The following MYL12B variants were observed in gnomAD, a reference collection of about 807,000 sequenced individuals.
MYL12B encodes myosin regulatory light chain 12B.
Under a neutral mutation model 12.9 loss-of-function variants are expected in MYL12B, and 3 were observed. That is an observed-to-expected ratio of 0.23 (90% CI 0.11 to 0.60). MYL12B has a LOEUF of 0.60. Ranked by LOEUF, MYL12B falls within the 20% of genes least tolerant of loss-of-function variation. The pLI is 0.89. For synonymous variants in MYL12B, 57 were observed against 71.9 expected (o/e 0.79, Z 1.05); for missense variants, 120 against 215.4 (o/e 0.56, Z 2.77).
chr18:3,264,772 C>A (rs1361576412), intron 1 of MYL12B, among the ~76,000 whole-genome samples: 1 of 152,062 alleles, frequency 6.6e-6, no homozygotes, highest in Non-Finnish European at 1.5e-5. Flanking sequence ...ATAAGAAGTT[C>A]AAAAACAAAA....
intron 2 of MYL12B, among the ~76,000 whole-genome samples, chr18:3,274,863 G>T (rs929850241): frequency 5.3e-5 from 8 of 152,170 alleles, no homozygotes; most frequent in Admixed American, 3.9e-4. Flanking sequence ...TTATTGGTAG[G>T]AATGTAAATA....
chr18:3,271,188 C>T (rs965936049), intron 1 of MYL12B, among the ~76,000 whole-genome samples: 3 of 152,144 alleles, frequency 2.0e-5, no homozygotes, highest in African/African-American at 7.2e-5. Flanking sequence ...TAATCAAATG[C>T]CTTGTTAGTA....
chr18:3,263,282 TTAAGG>T (rs1160852597), intron 1 of MYL12B: 2 of 152,184 alleles, frequency 1.3e-5, no homozygotes, highest in African/African-American at 4.8e-5. Flanking sequence ...CCGCTTTAGT[TTAAGG>T]TAGATTTGGA....
chr18:3,270,045 G>A (rs1188493425), intron 1 of MYL12B, among the ~76,000 whole-genome samples: 1 of 152,168 alleles, frequency 6.6e-6, no homozygotes, highest in Non-Finnish European at 1.5e-5. Context: ...GATCCAAGAA[G>A]ATTTAGACCA....
At chr18:3,264,425 C>T (rs990751899) in intron 1 of MYL12B, among the ~76,000 whole-genome samples, 3 of 152,100 alleles carry the variant, frequency 2.0e-5, no homozygotes, top group African/African-American at 7.2e-5. Flanking sequence ...TGAATATGGC[C>T]AGGCATGGTG....
At chr18:3,273,335 A>G (rs1021232795) in intron 2 of MYL12B, among the ~76,000 whole-genome samples, 23 of 152,086 alleles carry the variant, frequency 1.5e-4, no homozygotes, top group Admixed American at 9.8e-4. Context: ...AGGTCTCTAG[A>G]TGGAAAGCCA....
chr18:3,272,887 TAAAC>T lies in MYL12B; in HGVS notation c.-9_-6del, dbSNP rs750060012. 5.1e-5 allele frequency: 80 copies of T among 1,570,608 alleles called. No individual in the cohort carries two copies. Among genetic ancestry groups the T allele is most frequent in the African/African-American group, 6.9e-5 (5 of 72,176 alleles). On this transcript the variant is annotated 5_prime_UTR_variant, in exon 2 of 4. Coordinates refer to ENST00000237500, the MANE Select transcript of MYL12B (RefSeq NM_033546.4). ...TTGTGTTTTTTTTTTAATCCAGAAT[TAAAC>T]AACCACCATGTCGAGCAAAAAGGCA...
intron 1 of MYL12B, chr18:3,272,191 A>G: frequency 2.4e-6 from 2 of 827,296 alleles, no homozygotes; most frequent in Non-Finnish European, 2.6e-6. Flanking sequence ...TAGTCTTTTT[A>G]CATATGTTAT....
intron 2 of MYL12B, among the ~76,000 whole-genome samples, chr18:3,275,494 A>G (rs1344200384): frequency 6.6e-6 from 1 of 152,220 alleles, no homozygotes; most frequent in Non-Finnish European, 1.5e-5. Flanking sequence ...TAAATGCTTG[A>G]AGGGATGGCT....
intron 2 of MYL12B, chr18:3,276,824 C>G (rs932638213): frequency 3.3e-5 from 22 of 671,356 alleles, no homozygotes; most frequent in African/African-American, 3.9e-5. Context: ...ATCACTTGAG[C>G]TCAGGAGTTC....
chr18:3,271,083 A>G (rs2081675129), intron 1 of MYL12B, among the ~76,000 whole-genome samples: 2 of 152,226 alleles, frequency 1.3e-5, no homozygotes, highest in African/African-American at 4.8e-5. Context: ...TTGCCTTCAG[A>G]TGTATTTGAC....
chr18:3,273,105 G>A, intron 2 of MYL12B, 23 bp downstream of exon 2: 1 of 1,527,344 alleles, frequency 6.5e-7, no homozygotes, highest in Non-Finnish European at 8.8e-7. Flanking sequence ...TTCTTTATTT[G>A]TATTTTCCCT....
At chr18:3,276,350 G>A (rs562575059) in intron 2 of MYL12B, 5 of 807,440 alleles carry the variant, frequency 6.2e-6, no homozygotes, top group South Asian at 1.1e-4. Flanking sequence ...CCACACCACG[G>A]GGCCTCAAAA....
At chr18:3,273,718 A>G (rs111997559) in intron 2 of MYL12B, among the ~76,000 whole-genome samples, 5 of 152,298 alleles carry the variant, frequency 3.3e-5, no homozygotes, top group African/African-American at 4.8e-5. Context: ...ACTGCAGGCA[A>G]AGGAGACCTT....
Position 3,262,190 on chromosome 18 carries a change from G to A in MYL12B, c.-63G>A, listed in dbSNP as rs1282613352. On this transcript the variant is annotated 5_prime_UTR_variant, in exon 1 of 4. Transcript: ENST00000237500. ...CCACAGCCTAACGCTCTTCGCTGTC[G>A]TTTGTGGTCTCGCGCAGGGCGGCCC... The A allele has an allele frequency of 2.0e-5, 3 of 152,186 alleles. No homozygotes were observed. Among genetic ancestry groups the A allele is most frequent in the East Asian group, 1.9e-4 (1 of 5,190 alleles). The allele number at this position is 152,186 out of a possible 1,614,324, so 9.4% of individuals were successfully genotyped here. A position where few individuals can be genotyped will look rare whatever the true frequency, so the allele number is the denominator to read the frequency against.
chr18:3,272,938 C>T lies in MYL12B; in HGVS notation c.40C>T (p.Arg14Cys). 1.9e-6 allele frequency: 3 copies of T among 1,611,974 alleles called. No homozygotes were observed. The highest frequency in any genetic ancestry group is 2.5e-6 in the Non-Finnish European group (3 of 1,179,052). ...GGCAAAGACCAAGACCACCAAGAAGCGCCCTCAGCGTGCAACATCCAATGT... is the reference window on the plus strand; with the variant it reads ...GGCAAAGACCAAGACCACCAAGAAGTGCCCTCAGCGTGCAACATCCAATGT... ...KKAKTKTTKKRPQRATSNVFA... is the reference protein window; with the variant it reads ...KKAKTKTTKKCPQRATSNVFA... The change falls in exon 2 of 4, where the codon CGC becomes TGC. Residue 14 changes from arginine to cysteine, a missense_variant. Transcript: ENST00000237500.
At chr18:3,265,346 T>C (rs1476500555) in intron 1 of MYL12B, among the ~76,000 whole-genome samples, 1 of 152,216 alleles carries the variant, frequency 6.6e-6, no homozygotes, top group Non-Finnish European at 1.5e-5. Context: ...GTCTTCCAGT[T>C]AGAACATTCA....
At chr18:3,272,456 G>C (rs2081688391) in intron 1 of MYL12B, among the ~76,000 whole-genome samples, 1 of 152,202 alleles carries the variant, frequency 6.6e-6, no homozygotes, top group African/African-American at 2.4e-5. Context: ...GCTATTGTTA[G>C]ATATTTTAAA....
intron 1 of MYL12B, among the ~76,000 whole-genome samples, chr18:3,267,765 A>G (rs2081645258): frequency 6.6e-6 from 1 of 152,202 alleles, no homozygotes; most frequent in African/African-American, 2.4e-5. Flanking sequence ...ATGTATGTAT[A>G]AGAAAAAACA....
Sources: gnomAD v4.1 joint callset for allele counts (sites outside exome capture counted in the v4.1 genomes callset) on GRCh38, gnomAD v4.1.1 for gene constraint, MANE v1.5 for transcripts, NCBI Gene and HGNC (gene_info 2026-07-23, HGNC 2026-07-21) for gene names.